Variants in MSRB3 observed in about 807,000 individuals in gnomAD.
The protein encoded by MSRB3 is methionine sulfoxide reductase B3.
MSRB3 carries 13 observed loss-of-function variants against 21.0 expected under a neutral mutation model. That is an observed-to-expected ratio of 0.62 (90% CI 0.40 to 0.98). The LOEUF (loss-of-function observed/expected upper bound fraction) is 0.98. Among genes scored for constraint, MSRB3 ranks in the 50% least tolerant of loss-of-function variants. The probability of loss-of-function intolerance (pLI) is 0.00; values close to 1 mark genes in which losing one functional copy is unlikely to be tolerated. For missense variants in MSRB3, 199 were observed against 230.3 expected (o/e 0.86, Z 0.88); for synonymous variants, 87 against 88.6 (o/e 0.98, Z 0.10).
intron 1 of MSRB3, among the ~76,000 whole-genome samples, chr12:65,293,852 T>C (rs561254885): frequency 2.7e-4 from 41 of 152,310 alleles, no homozygotes; most frequent in Non-Finnish European, 4.7e-4. Flanking sequence ...ATGAGAGGCC[T>C]TCTGGCTGGG....
chr12:65,436,490 T>C (rs1882123225), intron 5 of MSRB3, among the ~76,000 whole-genome samples: 1 of 151,910 alleles, frequency 6.6e-6, no homozygotes, highest in Non-Finnish European at 1.5e-5. Flanking sequence ...CTCATGCATT[T>C]AGAAACATTT....
At chr12:65,413,434 C>T (rs544311077) in intron 5 of MSRB3, among the ~76,000 whole-genome samples, 17 of 152,302 alleles carry the variant, frequency 1.1e-4, no homozygotes, top group Admixed American at 5.2e-4. Context: ...TGTTGCCTGA[C>T]AGCCCTCAGT....
intron 5 of MSRB3, among the ~76,000 whole-genome samples, chr12:65,437,430 G>T (rs1423856964): frequency 6.6e-6 from 1 of 151,832 alleles, no homozygotes. Context: ...GCAAGATCTG[G>T]TAGTTCATCT....
intron 5 of MSRB3, among the ~76,000 whole-genome samples, chr12:65,410,170 A>G (rs958743037): frequency 1.8e-4 from 27 of 151,694 alleles, no homozygotes; most frequent in African/African-American, 6.5e-4. Context: ...TCATTTGTGT[A>G]TTTTTCTATT....
At chr12:65,431,963 G>A (rs918702391) in intron 5 of MSRB3, among the ~76,000 whole-genome samples, 27 of 152,044 alleles carry the variant, frequency 1.8e-4, no homozygotes, top group African/African-American at 4.6e-4. Context: ...CAAATTATTC[G>A]GAAGTTGGTT....
At chr12:65,350,300 T>G (rs946587302) in intron 4 of MSRB3, among the ~76,000 whole-genome samples, 8 of 151,840 alleles carry the variant, frequency 5.3e-5, no homozygotes, top group Non-Finnish European at 1.2e-4. Flanking sequence ...CCATGCTGTT[T>G]TGGTTACTGT....
chr12:65,326,759 C>G, intron 2 of MSRB3, 67 bp from the exon 3 acceptor site: 1 of 1,257,182 alleles, frequency 8.0e-7, no homozygotes. Context: ...CTGTGGCGGT[C>G]AGCCAAAGCA....
At position 65,423,121 on chromosome 12, in the gene MSRB3, C is replaced by G. The variant is rs145885482; in HGVS notation, c.293-30607C>G. Reference sequence around the variant, plus strand: ...GGGATTACAGGTGTGTGCCACCATGCCTGACTAATTTTGTATTTTTAGTAG... The same window carrying G: ...GGGATTACAGGTGTGTGCCACCATGGCTGACTAATTTTGTATTTTTAGTAG... On this transcript the variant is annotated intron_variant, in intron 5 of 6. Transcript: ENST00000308259. 3.2e-3 allele frequency among the ~76,000 whole-genome samples: 493 copies of G among 152,000 alleles called. 3 individuals carry two copies. Among genetic ancestry groups the G allele is most frequent in the Non-Finnish European group, 5.7e-3 (386 of 67,950 alleles).
intron 5 of MSRB3, among the ~76,000 whole-genome samples, chr12:65,387,403 T>C (rs1879248424): frequency 1.3e-5 from 2 of 152,160 alleles, no homozygotes; most frequent in Admixed American, 6.5e-5. Context: ...TATTTCTATC[T>C]GTATTTTCTT....
At chr12:65,418,671 G>T in intron 5 of MSRB3, 7 of 645,978 alleles carry the variant, frequency 1.1e-5, no homozygotes, top group East Asian at 2.7e-5. Flanking sequence ...TTTAACCTCT[G>T]AACTTTTTAT....
intron 1 of MSRB3, among the ~76,000 whole-genome samples, chr12:65,280,410 T>G (rs1031594316): frequency 1.3e-5 from 2 of 152,202 alleles, no homozygotes; most frequent in African/African-American, 2.4e-5. Context: ...AGAGTGGATT[T>G]TATTGCCAGG....
chr12:65,465,754 T>C lies in MSRB3; in HGVS notation c.*2432T>C, dbSNP rs1171237553. On this transcript the variant is annotated 3_prime_UTR_variant, in exon 7 of 7. Coordinates refer to ENST00000308259, the MANE Select transcript of MSRB3 (RefSeq NM_001031679.3). ...CGTAGGCTTCACGTCTCTCTAGAAATGACGTGTAAAATTTAAGACCAGACC... is the reference window on the plus strand; with the variant it reads ...CGTAGGCTTCACGTCTCTCTAGAAACGACGTGTAAAATTTAAGACCAGACC... 2 of 152,202 alleles carry C rather than the reference T, an allele frequency of 1.3e-5. No individual in the cohort carries two copies. Among genetic ancestry groups the C allele is most frequent in the African/African-American group, 4.8e-5 (2 of 41,442 alleles). The allele number at this position is 152,202 out of a possible 1,614,324, so 9.4% of individuals were successfully genotyped here. A position where few individuals can be genotyped will look rare whatever the true frequency, so the allele number is the denominator to read the frequency against.
intron 5 of MSRB3, among the ~76,000 whole-genome samples, chr12:65,448,478 A>T (rs1494508): frequency 6.6e-6 from 1 of 151,918 alleles, no homozygotes; most frequent in African/African-American, 2.4e-5. Context: ...ATGTAGGTAT[A>T]AGTACTAAAT....
chr12:65,293,145 G>T (rs139446304), intron 1 of MSRB3, among the ~76,000 whole-genome samples: 1 of 151,976 alleles, frequency 6.6e-6, no homozygotes, highest in African/African-American at 2.4e-5. Context: ...ACTGCTATTT[G>T]CCCAGTTACT....
chr12:65,308,844 C>T, intron 2 of MSRB3, 189 bp downstream of exon 2: 1 of 726,298 alleles, frequency 1.4e-6, no homozygotes, highest in Non-Finnish European at 2.3e-6. Context: ...ATCCTTACAA[C>T]CCTTGGAACA....
intron 5 of MSRB3, among the ~76,000 whole-genome samples, chr12:65,421,193 A>T (rs1462556535): frequency 1.3e-5 from 2 of 152,002 alleles, no homozygotes; most frequent in East Asian, 3.9e-4. Context: ...TGTGGTTTTG[A>T]TTTGCATTTC....
At position 65,419,643 on chromosome 12, in the gene MSRB3, C is replaced by T. The variant is rs980897249; in HGVS notation, c.293-34085C>T. On this transcript the variant is annotated intron_variant, in intron 5 of 6. Coordinates refer to ENST00000308259, the MANE Select transcript of MSRB3 (RefSeq NM_001031679.3). ...CCTCGATGGTCTTGAAATAATGGAC[C>T]CAGTCTCTGACCTGGGGTCCTGTCT... The T allele has an allele frequency of 3.4e-5, 24 of 708,232 alleles. 1 individual carries two copies. Among genetic ancestry groups the T allele is most frequent in the South Asian group, 2.2e-4 (15 of 69,344 alleles). 43.9% of individuals were successfully genotyped at this position (708,232 alleles called of 1,614,324 possible). A position where few individuals can be genotyped will look rare whatever the true frequency, so the allele number is the denominator to read the frequency against.
intron 5 of MSRB3, among the ~76,000 whole-genome samples, chr12:65,430,661 T>A (rs1051154215): frequency 6.6e-6 from 1 of 152,156 alleles, no homozygotes; most frequent in Non-Finnish European, 1.5e-5. Flanking sequence ...AAACTTGACC[T>A]CCTTCTTTCT....
intron 3 of MSRB3, 115 bp downstream of exon 3, chr12:65,327,049 C>T (rs1337128930): frequency 2.6e-6 from 2 of 773,318 alleles, no homozygotes; most frequent in Middle Eastern, 3.0e-4. Context: ...TTGCTAAAGT[C>T]TATGAATTAG....
Sources: gnomAD v4.1 joint callset for allele counts (sites outside exome capture counted in the v4.1 genomes callset) on GRCh38, gnomAD v4.1.1 for gene constraint, MANE v1.5 for transcripts, NCBI Gene and HGNC (gene_info 2026-07-23, HGNC 2026-07-21) for gene names.